UBE2Q1: variants seen among roughly 807,000 people sequenced by gnomAD.
The protein encoded by UBE2Q1 is ubiquitin-conjugating enzyme E2 Q1.
In UBE2Q1, 6 loss-of-function variants were observed where a neutral mutation model predicts 60.1. That is an observed-to-expected ratio of 0.10 (90% CI 0.05 to 0.20). The LOEUF is 0.20. UBE2Q1 is among the 10% of genes least tolerant of loss of function. UBE2Q1 has a pLI of 1.00. For missense variants in UBE2Q1, 262 were observed against 525.8 expected, an observed-to-expected ratio of 0.50 and a Z score of 4.91; for synonymous variants, 226 against 208.3, an observed-to-expected ratio of 1.09 and a Z score of -0.73.
intron 3 of UBE2Q1, 57 bp downstream of exon 3, chr1:154,555,371 T>C: frequency 7.0e-7 from 1 of 1,431,562 alleles, no homozygotes; most frequent in Non-Finnish European, 9.8e-7. Context: ...AATTATTTAC[T>C]GAGTACCCTG....
Position 154,551,835 on chromosome 1 carries a change from TAGTC to T in UBE2Q1, c.1026-20_1026-17del. 1.2e-6 allele frequency: 2 copies of T among 1,614,206 alleles called. No individual in the cohort carries two copies. Among genetic ancestry groups the T allele is most frequent in the Non-Finnish European group, 8.5e-7 (1 of 1,180,024 alleles). The stretch of plus-strand genomic sequence containing the variant: ...CAGAACATACCTGCATGAGAAAGGT[TAGTC>T]AGCTGTGCCTGACAAAATCTCCAAG... On this transcript the variant is annotated splice_polypyrimidine_tract_variant and intron_variant, in intron 9 of 12. Coordinates refer to ENST00000292211, the MANE Select transcript of UBE2Q1 (RefSeq NM_017582.7).
Position 154,555,863 on chromosome 1 carries a change from A to C in UBE2Q1, c.429T>G (p.Thr143=). 1.9e-6 allele frequency: 3 copies of C among 1,614,102 alleles called. No homozygotes were observed. Among genetic ancestry groups the C allele is most frequent in the Non-Finnish European group, 2.5e-6 (3 of 1,179,958 alleles). The part of the protein sequence containing the change: ...ERLVDIKKGN[T]LLLQHLKRII... ...CCCTACCCTGTGGCCCCCTCACCAGAGTATTCCCTTTCTTTATGTCCACCA... is the reference window on the plus strand; with the variant it reads ...CCCTACCCTGTGGCCCCCTCACCAGCGTATTCCCTTTCTTTATGTCCACCA... The change falls in exon 2 of 13, where the codon ACT becomes ACG. Residue 143 remains threonine, a synonymous_variant. Transcript: ENST00000292211.
At chr1:154,553,428 G>C (rs970098592) in intron 4 of UBE2Q1, among the ~76,000 whole-genome samples, 10 of 152,186 alleles carry the variant, frequency 6.6e-5, no homozygotes, top group Admixed American at 3.9e-4. Flanking sequence ...AGCTGAGATC[G>C]AGGCAGGGAC....
In UBE2Q1 at chr1:154,552,117, G is replaced by T; in HGVS notation, c.942C>A (p.Phe314Leu). 6.2e-7 allele frequency: 1 copy of T among 1,614,248 alleles called. No homozygotes were observed. Among genetic ancestry groups the T allele is most frequent in the East Asian group, 2.2e-5 (1 of 44,886 alleles). The change falls in exon 8 of 13, where the codon TTC becomes TTA. Residue 314 changes from phenylalanine to leucine, a missense_variant. This residue lies in a region of UBE2Q1 where 111 missense variants were observed against 266.8 expected (regional missense o/e 0.42). Transcript: ENST00000292211. ...CTTTAAAGGAAAAGTTAAGTAGAAT[G>T]AAGTCGGCTCCTTCTTTCTCTTTGA... ...QILKEKEGAD[F>L]ILLNFSFKDN... is the part of the protein sequence containing the mutation.
intron 5 of UBE2Q1, 85 bp downstream of exon 5, chr1:154,552,947 T>G: frequency 6.3e-7 from 1 of 1,594,440 alleles, no homozygotes; most frequent in Non-Finnish European, 8.6e-7. Flanking sequence ...AGGAGTCTGC[T>G]CTCCATACTG....
In UBE2Q1 at chr1:154,558,626, G is replaced by T. The variant is rs1402603478; in HGVS notation, c.-73C>A. On this transcript the variant is annotated 5_prime_UTR_variant, in exon 1 of 13. Transcript: ENST00000292211. ...CTGCGCTCCGGGCTCCGCCGCCGCCGCCGCCGCCGCCGCCGCCGCCGCGGT... is the reference window on the plus strand; with the variant it reads ...CTGCGCTCCGGGCTCCGCCGCCGCCTCCGCCGCCGCCGCCGCCGCCGCGGT... 8.1e-6 allele frequency: 8 copies of T among 983,894 alleles called. No individual in the cohort carries two copies. The African/African-American group carries it at 1.7e-4, about 20-fold the overall frequency. The allele number at this position is 983,894 out of a possible 1,614,324, so 60.9% of individuals were successfully genotyped here.
chr1:154,550,047 A>G lies in UBE2Q1; in HGVS notation c.*391T>C, dbSNP rs1034522819. The G allele has an allele frequency of 5.5e-6, 1 of 182,862 alleles. No individual in the cohort carries two copies. Among genetic ancestry groups the G allele is most frequent in the Non-Finnish European group, 1.1e-5 (1 of 88,024 alleles). The allele number at this position is 182,862 out of a possible 1,614,324, so 11.3% of individuals were successfully genotyped here. ...TTTTTTTCATACACATCCATCATACACTGTAACCAAAAAAAGCAGTGTACA... is the reference window on the plus strand; with the variant it reads ...TTTTTTTCATACACATCCATCATACGCTGTAACCAAAAAAAGCAGTGTACA... On this transcript the variant is annotated 3_prime_UTR_variant, in exon 13 of 13. Coordinates refer to ENST00000292211, the MANE Select transcript of UBE2Q1 (RefSeq NM_017582.7).
intron 11 of UBE2Q1, 56 bp downstream of exon 11, chr1:154,551,340 GC>G: frequency 6.4e-7 from 1 of 1,566,876 alleles, no homozygotes; most frequent in Non-Finnish European, 8.8e-7. Context: ...CCTGCTAGTG[GC>G]CCCAAGTGTA....
rs756560350 is a variant in UBE2Q1 at position 154,552,990 on chromosome 1, C to A, written c.729+42G>T. 6.8e-6 allele frequency: 11 copies of A among 1,609,402 alleles called. No individual in the cohort carries two copies. In the African/African-American group the frequency reaches 1.5e-4, roughly 22 times the overall value. On this transcript the variant is annotated intron_variant, in intron 5 of 12. Transcript: ENST00000292211. ...ATGGCCTACTACTTCCCAGCCATTTCCCACCAACCCCTTCACCAGCCTCTC... is the reference window on the plus strand; with the variant it reads ...ATGGCCTACTACTTCCCAGCCATTTACCACCAACCCCTTCACCAGCCTCTC...
intron 10 of UBE2Q1, 77 bp downstream of exon 10, chr1:154,551,694 C>A: frequency 6.3e-7 from 1 of 1,588,596 alleles, no homozygotes; most frequent in Non-Finnish European, 8.6e-7. Flanking sequence ...TATCACCCAG[C>A]CCGTAGGGGT....
chr1:154,553,370 C>A (rs1177394955), intron 4 of UBE2Q1, among the ~76,000 whole-genome samples, 198 bp from the exon 5 acceptor site: 1 of 152,228 alleles, frequency 6.6e-6, no homozygotes, highest in South Asian at 2.1e-4. Context: ...CAGTCTAAAT[C>A]TTCAGCTCTC....
chr1:154,555,941 G>T lies in UBE2Q1; in HGVS notation c.351C>A (p.Pro117=), dbSNP rs913663022. The T allele has an allele frequency of 4.3e-6, 7 of 1,613,862 alleles. No homozygotes were observed. The highest frequency in any genetic ancestry group is 4.0e-5 in the African/African-American group (3 of 74,862). The change falls in exon 2 of 13, where the codon CCC becomes CCA. Residue 117 remains proline (P), a synonymous_variant. Coordinates refer to ENST00000292211, the MANE Select transcript of UBE2Q1 (RefSeq NM_017582.7). ...GGTCATCAGACTCCACCGACCAGAT[G>T]GGGGGCACAGCAGGGTATGACTCCT... ...NITESYPAVP[P]IWSVESDDPN...
chr1:154,550,840 A>G, intron 12 of UBE2Q1, 98 bp downstream of exon 12: 1 of 1,602,518 alleles, frequency 6.2e-7, no homozygotes, highest in Admixed American at 1.7e-5. Flanking sequence ...GTGGTTGAGT[A>G]TCAGAAACCA....
Position 154,550,153 on chromosome 1 carries a change from T to C in UBE2Q1, c.*285A>G, listed in dbSNP as rs561940668. On this transcript the variant is annotated 3_prime_UTR_variant, in exon 13 of 13. Transcript: ENST00000292211. Reference sequence around the variant, plus strand: ...TGGAGCACAGCTGAGTTTCCAGCAATATAAGGAGGCTCGAAAGTTTCTTTT... The same window carrying C: ...TGGAGCACAGCTGAGTTTCCAGCAACATAAGGAGGCTCGAAAGTTTCTTTT... 5 of 433,216 alleles carry C rather than the reference T, an allele frequency of 1.2e-5. No individual in the cohort carries two copies. The highest frequency in any genetic ancestry group is 7.5e-5 in the East Asian group (2 of 26,528). 26.8% of individuals were successfully genotyped at this position (433,216 alleles called of 1,614,324 possible).
chr1:154,557,126 T>C (rs1469523923), intron 1 of UBE2Q1, among the ~76,000 whole-genome samples: 1 of 152,230 alleles, frequency 6.6e-6, no homozygotes, highest in Non-Finnish European at 1.5e-5. Context: ...AGGCTTTACC[T>C]CACCAAATCT....
At chr1:154,557,269 T>C (rs1695908123) in intron 1 of UBE2Q1, among the ~76,000 whole-genome samples, 2 of 152,252 alleles carry the variant, frequency 1.3e-5, no homozygotes, top group Non-Finnish European at 1.5e-5. Flanking sequence ...GATAAAGTAC[T>C]GTCTGCTAGC....
chr1:154,558,580 G>C lies in UBE2Q1; in HGVS notation c.-27C>G. The C allele has an allele frequency of 3.0e-6, 3 of 1,015,474 alleles. No homozygotes were observed. Among genetic ancestry groups the C allele is most frequent in the Non-Finnish European group, 3.5e-6 (3 of 854,846 alleles). 62.9% of individuals were successfully genotyped at this position (1,015,474 alleles called of 1,614,324 possible). A position where few individuals can be genotyped will look rare whatever the true frequency, so the allele number is the denominator to read the frequency against. The stretch of plus-strand genomic sequence containing the variant: ...CTCCGCTCCGCTCCGCTCCGGGGCC[G>C]GCGGGCCGGGAGCCTCCGGCCTGCG... On this transcript the variant is annotated 5_prime_UTR_variant, in exon 1 of 13. Transcript: ENST00000292211.
chr1:154,555,566 T>G (rs1382455603), intron 2 of UBE2Q1, 34 bp from the exon 3 acceptor site: 6 of 1,587,954 alleles, frequency 3.8e-6, no homozygotes, highest in Non-Finnish European at 5.2e-6. Context: ...CATCAAATCC[T>G]TCCCCACTCC....
intron 1 of UBE2Q1, 89 bp downstream of exon 1, chr1:154,558,138 C>G (rs1695924432): frequency 8.7e-7 from 1 of 1,148,866 alleles, no homozygotes; most frequent in African/African-American, 1.6e-5. Flanking sequence ...TTCGGCCTCC[C>G]AGGTCCTTCG....
Sources: gnomAD v4.1 joint callset for allele counts (sites outside exome capture counted in the v4.1 genomes callset) on GRCh38, gnomAD v4.1.1 for gene constraint, gnomAD v4.1.1 regional missense constraint, MANE v1.5 for transcripts, NCBI Gene and HGNC (gene_info 2026-07-23, HGNC 2026-07-21) for gene names.